TP63: variants seen among roughly 807,000 people sequenced by gnomAD.
TP63 encodes the protein tumor protein 63.
Under a neutral mutation model 82.8 loss-of-function variants are expected in TP63, and 17 were observed. That is an observed-to-expected ratio of 0.21 (90% CI 0.14 to 0.31). The LOEUF is 0.31. TP63 is among the 10% of genes least tolerant of loss of function. The probability of loss-of-function intolerance (pLI) is 1.00; values close to 1 mark genes in which losing one functional copy is unlikely to be tolerated. For missense variants in TP63, 648 were observed against 895.3 expected, an observed-to-expected ratio of 0.72 and a Z score of 3.52; for synonymous variants, 330 against 321.7, an observed-to-expected ratio of 1.03 and a Z score of -0.28.
chr3:189,838,954 T>G (rs1013457693), intron 4 of TP63, among the ~76,000 whole-genome samples: 5 of 149,972 alleles, frequency 3.3e-5, no homozygotes, highest in African/African-American at 1.2e-4. Flanking sequence ...ACAGCTGTAG[T>G]TGAAGGGACC....
intron 6 of TP63, 141 bp downstream of exon 6, chr3:189,866,938 A>G: frequency 1.3e-6 from 1 of 753,694 alleles, no homozygotes; most frequent in East Asian, 2.7e-5. Context: ...ATATTTTTGT[A>G]TTTTTTTCTA....
At position 189,897,137 on chromosome 3, in the gene TP63, C is replaced by G; in HGVS notation, c.*2635C>G. ...TTCAAAAGGTATTATACATGTGATA[C>G]ATTTTTTAAGCTTCAGTTGCTTGTC... On this transcript the variant is annotated 3_prime_UTR_variant, in exon 14 of 14. Coordinates refer to ENST00000264731, the MANE Select transcript of TP63 (RefSeq NM_003722.5). 1 of 222,948 alleles carries G rather than the reference C, an allele frequency of 4.5e-6. No individual in the cohort carries two copies. The highest frequency in any genetic ancestry group is 9.0e-6 in the Non-Finnish European group (1 of 111,412). 13.8% of individuals were successfully genotyped at this position (222,948 alleles called of 1,614,324 possible). A position where few individuals can be genotyped will look rare whatever the true frequency, so the allele number is the denominator to read the frequency against.
chr3:189,758,722 G>A (rs2108534234), intron 3 of TP63, among the ~76,000 whole-genome samples: 1 of 152,278 alleles, frequency 6.6e-6, no homozygotes, highest in South Asian at 2.1e-4. Flanking sequence ...TGAGGTCTCT[G>A]CAGACCCATA....
chr3:189,783,484 C>T (rs1409979412), intron 3 of TP63, among the ~76,000 whole-genome samples: 1 of 151,864 alleles, frequency 6.6e-6, no homozygotes, highest in Non-Finnish European at 1.5e-5. Context: ...TAAACAAATA[C>T]ATGTATTTTT....
intron 1 of TP63, among the ~76,000 whole-genome samples, chr3:189,726,819 A>G (rs1276773311): frequency 6.6e-6 from 1 of 152,226 alleles, no homozygotes; most frequent in Non-Finnish European, 1.5e-5. Context: ...CACAAGTATT[A>G]ACTCAAACTG....
At chr3:189,636,874 TTACTGAGCAC>T (rs1290721962) in intron 1 of TP63, among the ~76,000 whole-genome samples, 4 of 152,192 alleles carry the variant, frequency 2.6e-5, no homozygotes, top group Non-Finnish European at 5.9e-5. Flanking sequence ...TATAGCAGGC[TTACTGAGCAC>T]TTTTTGACTG....
intron 3 of TP63, among the ~76,000 whole-genome samples, chr3:189,765,715 G>A (rs1178816018): frequency 6.6e-6 from 1 of 151,982 alleles, no homozygotes; most frequent in African/African-American, 2.4e-5. Flanking sequence ...TTTAAGGCGT[G>A]AGCCACCGCG....
the TP63 span, among the ~76,000 whole-genome samples, chr3:189,604,528 T>C: frequency 6.6e-5 from 10 of 152,172 alleles, no homozygotes; most frequent in Admixed American, 2.6e-4. Context: ...TAGGCCTCTG[T>C]AGATTTTCTT....
chr3:189,764,256 TGA>T lies in TP63; in HGVS notation c.324+25486_324+25487del, dbSNP rs1722780258. ...TTCTTGGAGTAAGAATAGAGGAAAA[TGA>T]GAGTCTCTTTAGTTTTCAGTCTAAC... On this transcript the variant is annotated intron_variant, in intron 3 of 13. Transcript: ENST00000264731. 2.0e-5 allele frequency among the ~76,000 whole-genome samples: 3 copies of T among 152,232 alleles called. No individual in the cohort carries two copies. The South Asian group carries it at 6.2e-4, about 32-fold the overall frequency.
intron 10 of TP63, among the ~76,000 whole-genome samples, chr3:189,879,350 G>A (rs988011028): frequency 6.6e-6 from 1 of 152,180 alleles, no homozygotes; most frequent in South Asian, 2.1e-4. Context: ...CATCCTCGTG[G>A]TGTAAATAAT....
intron 4 of TP63, among the ~76,000 whole-genome samples, chr3:189,824,915 T>TTTTAGAAATGA (rs762954197): frequency 4.6e-5 from 7 of 151,980 alleles, no homozygotes; most frequent in Non-Finnish European, 7.4e-5. Flanking sequence ...TGAGCTATCA[T>TTTTAGAAATGA]CAGACAGCAG....
intron 10 of TP63, chr3:189,880,975 T>C (rs952202685): frequency 1.1e-5 from 11 of 985,350 alleles, no homozygotes; most frequent in African/African-American, 1.7e-5. Context: ...GAACTCATTT[T>C]GTGCTTTTAA....
chr3:189,890,969 T>A, intron 13 of TP63, 87 bp downstream of exon 13: 1 of 1,367,580 alleles, frequency 7.3e-7, no homozygotes, highest in Non-Finnish European at 1.0e-6. Context: ...TCCCTGATAG[T>A]TTAAAAATTT....
intron 4 of TP63, among the ~76,000 whole-genome samples, chr3:189,812,380 C>T (rs140424040): frequency 1.4e-3 from 214 of 152,266 alleles, no homozygotes; most frequent in Non-Finnish European, 2.5e-3. Context: ...CATACATACA[C>T]GACAAACCAA....
intron 1 of TP63, among the ~76,000 whole-genome samples, chr3:189,715,573 TATACCCTTA>T (rs1718899759): frequency 6.6e-6 from 1 of 152,212 alleles, no homozygotes; most frequent in African/African-American, 2.4e-5. Flanking sequence ...TAAATTACTC[TATACCCTTA>T]ATAAGGTCAC....
chr3:189,716,667 A>G (rs1577293298), intron 1 of TP63, among the ~76,000 whole-genome samples: 2 of 152,184 alleles, frequency 1.3e-5, no homozygotes, highest in East Asian at 3.8e-4. Flanking sequence ...AGGAACCAAA[A>G]TAAACAAACA....
At chr3:189,760,779 C>T (rs1289142798) in intron 3 of TP63, among the ~76,000 whole-genome samples, 1 of 152,216 alleles carries the variant, frequency 6.6e-6, no homozygotes, top group East Asian at 1.9e-4. Flanking sequence ...AATAGAGGTT[C>T]TCCATGAGGA....
At chr3:189,732,378 T>G (rs1720236409) in intron 1 of TP63, among the ~76,000 whole-genome samples, 1 of 152,184 alleles carries the variant, frequency 6.6e-6, no homozygotes, top group African/African-American at 2.4e-5. Context: ...TGAGTGGTGA[T>G]GAGGGTATTG....
At chr3:189,671,734 A>G (rs757457293) in intron 1 of TP63, among the ~76,000 whole-genome samples, 1 of 152,174 alleles carries the variant, frequency 6.6e-6, no homozygotes, top group Non-Finnish European at 1.5e-5. Context: ...ATGGTCATTC[A>G]CAGCAACATG....
Sources: gnomAD v4.1 joint callset for allele counts (sites outside exome capture counted in the v4.1 genomes callset) on GRCh38, gnomAD v4.1.1 for gene constraint, MANE v1.5 for transcripts, NCBI Gene and HGNC (gene_info 2026-07-23, HGNC 2026-07-21) for gene names.